Variants in MAST4 observed in about 807,000 individuals in gnomAD.
MAST4 encodes microtubule-associated serine/threonine-protein kinase 4.
In MAST4, 89 loss-of-function variants were observed where a neutral mutation model predicts 162.7. The ratio of observed to expected loss-of-function variants is 0.55; its 90% CI spans 0.46 to 0.65. The LOEUF is 0.65. Among genes scored for constraint, MAST4 ranks in the 30% least tolerant of loss-of-function variants. MAST4 has a pLI of 0.00. For missense variants in MAST4, 3,153 were observed against 3,374.0 expected (o/e 0.93, Z 1.62); for synonymous variants, 1,479 against 1,361.1 (o/e 1.09, Z -1.91).
At chr5:66,879,345 T>TACAC (rs372860024) in intron 3 of MAST4, among the ~76,000 whole-genome samples, 2 of 133,466 alleles carry the variant, frequency 1.5e-5, no homozygotes, top group South Asian at 2.2e-4. Flanking sequence ...TTAAAATATA[T>TACAC]ACACACACAC....
intron 1 of MAST4, among the ~76,000 whole-genome samples, chr5:66,650,769 A>G (rs1225921996): frequency 1.3e-5 from 2 of 152,236 alleles, no homozygotes; most frequent in African/African-American, 2.4e-5. Flanking sequence ...ACACAAATAC[A>G]TAACATGGAA....
chr5:67,063,240 G>A (rs1057224393), intron 5 of MAST4, among the ~76,000 whole-genome samples: 1 of 151,930 alleles, frequency 6.6e-6, no homozygotes, highest in Non-Finnish European at 1.5e-5. Context: ...TCCTGCTTAA[G>A]GAAAAGAATG....
intron 2 of MAST4, among the ~76,000 whole-genome samples, chr5:66,775,959 G>C (rs1754582097): frequency 1.3e-5 from 2 of 152,164 alleles, no homozygotes; most frequent in Non-Finnish European, 1.5e-5. Context: ...CATAGATATT[G>C]TTGAGAAAGA....
chr5:66,706,652 T>C (rs948161618), intron 1 of MAST4, among the ~76,000 whole-genome samples: 1 of 151,750 alleles, frequency 6.6e-6, no homozygotes, highest in Non-Finnish European at 1.5e-5. Flanking sequence ...ACCCTCAAAC[T>C]AATGATTCAT....
intron 1 of MAST4, among the ~76,000 whole-genome samples, chr5:66,659,475 G>C (rs770804318): frequency 2.0e-5 from 3 of 152,146 alleles, no homozygotes; most frequent in Non-Finnish European, 4.4e-5. Context: ...CTAAAAGCTG[G>C]TCTTAATATC....
intron 4 of MAST4, among the ~76,000 whole-genome samples, chr5:67,049,637 G>A (rs999242519): frequency 3.9e-5 from 6 of 151,992 alleles, no homozygotes; most frequent in Non-Finnish European, 7.4e-5. Flanking sequence ...CAGAATTACC[G>A]GGGCCCCTCT....
At chr5:66,964,754 G>A in intron 4 of MAST4, among the ~76,000 whole-genome samples, 1 of 152,224 alleles carries the variant, frequency 6.6e-6, no homozygotes, top group East Asian at 1.9e-4. Context: ...AGTGAGCTGA[G>A]ATCTGGCCAC....
At chr5:67,133,246 A>G (rs1769218751) in intron 16 of MAST4, among the ~76,000 whole-genome samples, 1 of 151,972 alleles carries the variant, frequency 6.6e-6, no homozygotes, top group Admixed American at 6.6e-5. Flanking sequence ...AAGAGTTTCA[A>G]AGTGTTATAA....
intron 1 of MAST4, among the ~76,000 whole-genome samples, chr5:66,639,043 A>G (rs1417463962): frequency 6.6e-6 from 1 of 152,208 alleles, no homozygotes. Flanking sequence ...GATAGCATGT[A>G]GATGATATTT....
intron 1 of MAST4, among the ~76,000 whole-genome samples, chr5:66,664,435 CAAAA>C (rs58704256): frequency 0.23 from 21,135 of 93,828 alleles, 2,019 homozygotes; most frequent in South Asian, 0.39. Context: ...AACTCCATTT[CAAAA>C]AAAAAAAAAA....
intron 3 of MAST4, among the ~76,000 whole-genome samples, chr5:66,843,376 A>C (rs745859565): frequency 2.0e-5 from 3 of 152,198 alleles, no homozygotes; most frequent in Non-Finnish European, 2.9e-5. Flanking sequence ...TTCCTCTGTC[A>C]TTTGATCTAC....
At position 67,166,683 on chromosome 5, in the gene MAST4, C is replaced by A; in HGVS notation, c.7504C>A (p.His2502Asn). Residue 2502 changes from histidine (H) to asparagine (N), a missense_variant, in exon 29 of 29, where the codon CAT (histidine) becomes AAT (asparagine). This residue lies in a region of MAST4 where 1,644 missense variants were observed against 1,495.0 expected (regional missense o/e 1.10). Transcript: ENST00000403625. ...GCTTCCAGCCCCCAGCAACAGGGAC[C>A]ATAGGAAGGCTCAGCCTGCCGGGGA... is the stretch of plus-strand genomic sequence containing the variant. Reference protein sequence around the residue: ...LELPAPSNRDHRKAQPAGEGR... With the variant: ...LELPAPSNRDNRKAQPAGEGR... 6.3e-7 allele frequency: 1 copy of A among 1,595,072 alleles called. No individual in the cohort carries two copies. Among genetic ancestry groups the A allele is most frequent in the African/African-American group, 1.3e-5 (1 of 74,606 alleles).
At chr5:66,967,883 C>A (rs1317182882) in intron 4 of MAST4, among the ~76,000 whole-genome samples, 1 of 152,012 alleles carries the variant, frequency 6.6e-6, no homozygotes, top group Admixed American at 6.6e-5. Flanking sequence ...TCTGAGGCAA[C>A]CATAACCACT....
At chr5:66,685,009 C>A (rs1302013837) in intron 1 of MAST4, among the ~76,000 whole-genome samples, 1 of 152,128 alleles carries the variant, frequency 6.6e-6, no homozygotes, top group East Asian at 1.9e-4. Flanking sequence ...TGCCTATAAC[C>A]CCAGCACTTT....
At chr5:66,673,739 C>T (rs540745590) in intron 1 of MAST4, among the ~76,000 whole-genome samples, 49 of 152,170 alleles carry the variant, frequency 3.2e-4, no homozygotes, top group African/African-American at 1.2e-3. Context: ...CTGCCTGCCT[C>T]GGCCTCCCAG....
At chr5:66,769,129 G>C (rs1345996820) in intron 2 of MAST4, among the ~76,000 whole-genome samples, 4 of 152,298 alleles carry the variant, frequency 2.6e-5, no homozygotes, top group African/African-American at 9.6e-5. Flanking sequence ...GCCGGTCTAC[G>C]TGTTTGTGCA....
chr5:66,731,146 G>A (rs1331012922), intron 1 of MAST4, among the ~76,000 whole-genome samples: 1 of 152,138 alleles, frequency 6.6e-6, no homozygotes, highest in Admixed American at 6.5e-5. Context: ...GTTGTTAAGA[G>A]GCATTTTGGA....
intron 1 of MAST4, among the ~76,000 whole-genome samples, chr5:66,640,682 G>T (rs894408579): frequency 1.3e-4 from 20 of 152,198 alleles, no homozygotes; most frequent in African/African-American, 4.8e-4. Context: ...GAATAATACT[G>T]CCACGAACGT....
Position 66,596,589 on chromosome 5 carries a change from C to T in MAST4, c.-67C>T. On this transcript the variant is annotated 5_prime_UTR_variant, in exon 1 of 29. Coordinates refer to ENST00000403625, the MANE Select transcript of MAST4 (RefSeq NM_001164664.2). Reference sequence around the variant, plus strand: ...GCCTGAGCCCAGGAGCCCGCGTCTTCCCCGGGAGGCGCTGAGTGCGCGCCG... The same window carrying T: ...GCCTGAGCCCAGGAGCCCGCGTCTTTCCCGGGAGGCGCTGAGTGCGCGCCG... The T allele has an allele frequency of 7.3e-7, 1 of 1,365,518 alleles. No homozygotes were observed. The highest frequency in any genetic ancestry group is 9.4e-7 in the Non-Finnish European group (1 of 1,063,356). 84.6% of individuals were successfully genotyped at this position (1,365,518 alleles called of 1,614,324 possible).
Sources: allele counts gnomAD v4.1 joint callset (sites outside exome capture counted in the v4.1 genomes callset), GRCh38; gene constraint gnomAD v4.1.1; regional missense constraint gnomAD v4.1.1; transcripts MANE v1.5; gene names NCBI Gene and HGNC (gene_info 2026-07-23, HGNC 2026-07-21).